Variants in ASH1L observed in about 807,000 individuals in gnomAD.
The protein encoded by ASH1L is ASH1 like histone lysine methyltransferase.
Under a neutral mutation model 269.0 loss-of-function variants are expected in ASH1L, and 23 were observed. That is an observed-to-expected ratio of 0.09 (90% CI 0.06 to 0.12). ASH1L has a LOEUF of 0.12. Among genes scored for constraint, ASH1L ranks in the 10% least tolerant of loss-of-function variants. The probability of loss-of-function intolerance (pLI) is 1.00; values close to 1 mark genes in which losing one functional copy is unlikely to be tolerated. For missense variants in ASH1L, 2,912 were observed against 3,567.8 expected (o/e 0.82, Z 4.68); for synonymous variants, 1,187 against 1,253.5 (o/e 0.95, Z 1.12).
chr1:155,555,560 CA>C (rs1671530269), intron 1 of ASH1L, among the ~76,000 whole-genome samples: 1 of 147,276 alleles, frequency 6.8e-6, no homozygotes, highest in Non-Finnish European at 1.5e-5. Flanking sequence ...AAAAACTAGA[CA>C]TTTTTTAGCA....
intron 5 of ASH1L, chr1:155,434,271 C>T: frequency 6.3e-6 from 10 of 1,596,990 alleles, no homozygotes; most frequent in Non-Finnish European, 7.7e-6. Flanking sequence ...GAGGTGCCTG[C>T]CCTTCTAGGA....
At position 155,479,442 on chromosome 1, in the gene ASH1L, C is replaced by T; in HGVS notation, c.3428G>A (p.Gly1143Asp). 6.2e-7 allele frequency: 1 copy of T among 1,614,162 alleles called. No individual in the cohort carries two copies. The change falls in exon 3 of 28, where the codon GGC (glycine) becomes GAC (aspartate). Residue 1143 changes from glycine to aspartate, a missense_variant. Transcript: ENST00000392403. ...VPYLHLHSRQ[G>D]SMIQTLAMKK... ...CATTGCAAGAGTCTGAATCATACTG[C>T]CCTGTCTGGAGTGTAAATGCAAATA... is the stretch of plus-strand genomic sequence containing the variant.
At chr1:155,438,146 C>A (rs1324065835) in intron 5 of ASH1L, among the ~76,000 whole-genome samples, 181 bp downstream of exon 5, 1 of 152,104 alleles carries the variant, frequency 6.6e-6, no homozygotes, top group Non-Finnish European at 1.5e-5. Flanking sequence ...CTGCACCTAG[C>A]CTCTCTGATT....
Position 155,338,215 on chromosome 1 carries a change from T to C in ASH1L, c.8677A>G (p.Lys2893Glu). The change falls in exon 27 of 28, where the codon AAA (lysine) becomes GAA (glutamate). Residue 2893 changes from lysine (K) to glutamate (E), a missense_variant. Physicochemically the swap from Lys to Glu is moderately conservative, Grantham distance 56 (BLOSUM62 1). Coordinates refer to ENST00000392403, the MANE Select transcript of ASH1L (RefSeq NM_018489.3). ...TCTTGACTACTTTCCTCTGTTTTTT[T>C]TTCACCCTCACTGACGTTAGCAGTG... ...GATANVSEGE[K>E]KTEESSQEPQ... 6.2e-7 allele frequency: 1 copy of C among 1,614,120 alleles called. No homozygotes were observed. Among genetic ancestry groups the C allele is most frequent in the South Asian group, 1.1e-5 (1 of 91,078 alleles).
intron 3 of ASH1L, among the ~76,000 whole-genome samples, 183 bp from the exon 4 acceptor site, chr1:155,460,081 GT>G (rs1414010822): frequency 6.6e-6 from 1 of 152,112 alleles, no homozygotes; most frequent in Non-Finnish European, 1.5e-5. Context: ...ATATGTTGTT[GT>G]CAGAATTTCA....
intron 4 of ASH1L, among the ~76,000 whole-genome samples, chr1:155,451,821 T>C (rs1663497126): frequency 6.6e-6 from 1 of 152,118 alleles, no homozygotes; most frequent in African/African-American, 2.4e-5. Flanking sequence ...TCCAAGTTCA[T>C]ACGATTCTCT....
chr1:155,556,811 G>T (rs943017088), intron 1 of ASH1L, among the ~76,000 whole-genome samples: 1 of 152,116 alleles, frequency 6.6e-6, no homozygotes, highest in African/African-American at 2.4e-5. Flanking sequence ...CAATTTGGGA[G>T]TCTGAAGAGG....
chr1:155,553,635 T>C (rs1469864883), intron 1 of ASH1L, among the ~76,000 whole-genome samples: 1 of 152,158 alleles, frequency 6.6e-6, no homozygotes, highest in Non-Finnish European at 1.5e-5. Context: ...CTCTTCCCAC[T>C]TGTAGGAAGC....
chr1:155,482,080 C>T lies in ASH1L; in HGVS notation c.790G>A (p.Gly264Arg). ...IRKAGVGSVA[G>R]IIHKDLIKKP... The stretch of plus-strand genomic sequence containing the variant: ...TTTATTAAGTCCTTATGTATTATTC[C>T]AGCTACAGAGCCAACACCTGCTTTC... The change falls in exon 3 of 28, where the codon GGA (glycine) becomes AGA (arginine). Residue 264 changes from glycine (G) to arginine (R), a missense_variant. Coordinates refer to ENST00000392403, the MANE Select transcript of ASH1L (RefSeq NM_018489.3). 1.9e-6 allele frequency: 3 copies of T among 1,614,032 alleles called. No homozygotes were observed. Among genetic ancestry groups the T allele is most frequent in the Non-Finnish European group, 2.5e-6 (3 of 1,179,998 alleles).
At chr1:155,458,758 G>A (rs145841182) in intron 4 of ASH1L, among the ~76,000 whole-genome samples, 1 of 145,706 alleles carries the variant, frequency 6.9e-6, no homozygotes, top group Non-Finnish European at 1.5e-5. Flanking sequence ...CCAACCAACC[G>A]TCTTTAGTCT....
intron 7 of ASH1L, among the ~76,000 whole-genome samples, chr1:155,393,413 G>A (rs759512680): frequency 2.6e-5 from 4 of 152,044 alleles, no homozygotes; most frequent in Non-Finnish European, 5.9e-5. Context: ...ACAAGACATA[G>A]GATCAACATC....
intron 2 of ASH1L, among the ~76,000 whole-genome samples, chr1:155,492,033 C>CTTTTT (rs747132753): frequency 1.3e-4 from 14 of 111,924 alleles, no homozygotes; most frequent in East Asian, 2.9e-4. Context: ...GTTTTGTTTA[C>CTTTTT]TTTTTTTTTT....
intron 7 of ASH1L, among the ~76,000 whole-genome samples, chr1:155,386,396 T>C (rs1657432211): frequency 6.6e-6 from 1 of 151,850 alleles, no homozygotes; most frequent in African/African-American, 2.4e-5. Flanking sequence ...TTTATTATTA[T>C]TGTTGTTTTG....
intron 3 of ASH1L, among the ~76,000 whole-genome samples, chr1:155,467,106 T>C (rs1212124482): frequency 6.6e-6 from 1 of 152,186 alleles, no homozygotes; most frequent in Non-Finnish European, 1.5e-5. Context: ...TTGTAAGCTA[T>C]AAATGCTAAA....
intron 2 of ASH1L, among the ~76,000 whole-genome samples, chr1:155,497,749 TTC>T (rs1260715683): frequency 5.0e-5 from 7 of 140,654 alleles, no homozygotes; most frequent in African/African-American, 2.3e-4. Context: ...AAGAAGAAAA[TTC>T]TTTTTTTTTT....
At chr1:155,387,177 T>C (rs1657508151) in intron 7 of ASH1L, among the ~76,000 whole-genome samples, 1 of 152,162 alleles carries the variant, frequency 6.6e-6, no homozygotes, top group African/African-American at 2.4e-5. Flanking sequence ...TTTTGCCATG[T>C]TGATCAGGCT....
At chr1:155,536,870 G>A (rs1283598573) in intron 1 of ASH1L, among the ~76,000 whole-genome samples, 4 of 151,764 alleles carry the variant, frequency 2.6e-5, no homozygotes, top group African/African-American at 9.7e-5. Context: ...GTGAAACCTC[G>A]TCTCTACCAA....
intron 6 of ASH1L, among the ~76,000 whole-genome samples, chr1:155,410,380 T>C (rs774768692): frequency 6.6e-6 from 1 of 152,148 alleles, no homozygotes; most frequent in Non-Finnish European, 1.5e-5. Context: ...CTCGGCTCAC[T>C]GCAACCTCTG....
In ASH1L at chr1:155,445,830, ATTTAAT is replaced by A. The variant is rs1234863488; in HGVS notation, c.5087-6768_5087-6763del. 7.2e-5 allele frequency among the ~76,000 whole-genome samples: 11 copies of A among 151,788 alleles called. No homozygotes were observed. In the East Asian group the frequency reaches 1.2e-3, roughly 16 times the overall value. On this transcript the variant is annotated intron_variant, in intron 4 of 27. Coordinates refer to ENST00000392403, the MANE Select transcript of ASH1L (RefSeq NM_018489.3). ...CTTTGTATTTTTTTAATTTTTTGTG[ATTTAAT>A]TTTAATTTTAGTGAGTACATAGATT... is the stretch of plus-strand genomic sequence containing the variant.
Sources: gnomAD v4.1 joint callset for allele counts (sites outside exome capture counted in the v4.1 genomes callset) on GRCh38, gnomAD v4.1.1 for gene constraint, MANE v1.5 for transcripts, NCBI Gene and HGNC (gene_info 2026-07-23, HGNC 2026-07-21) for gene names.